The following KDM4A variants were observed in gnomAD, a reference collection of about 807,000 sequenced individuals.
KDM4A encodes lysine demethylase 4A.
In KDM4A, 23 loss-of-function variants were observed where a neutral mutation model predicts 127.1. The ratio of observed to expected loss-of-function variants is 0.18; its 90% CI spans 0.13 to 0.26. KDM4A has a LOEUF of 0.26. KDM4A is among the 10% of genes least tolerant of loss of function. The probability of loss-of-function intolerance (pLI) is 1.00; values close to 1 mark genes in which losing one functional copy is unlikely to be tolerated. For synonymous variants in KDM4A, 443 were observed against 466.5 expected (o/e 0.95, Z 0.65); for missense variants, 890 against 1,329.1 (o/e 0.67, Z 5.14).
Position 43,685,746 on chromosome 1 carries a change from C to T in KDM4A, c.1855+1942C>T, listed in dbSNP as rs572231793. 6.4e-4 allele frequency among the ~76,000 whole-genome samples: 95 copies of T among 149,136 alleles called. 1 individual carries two copies. Among genetic ancestry groups the T allele is most frequent in the Middle Eastern group, 3.4e-3 (1 of 292 alleles). On this transcript the variant is annotated intron_variant, in intron 12 of 21. Coordinates refer to ENST00000372396, the MANE Select transcript of KDM4A (RefSeq NM_014663.3). Reference sequence around the variant, plus strand: ...CCATGCCACTGCACTCCAGCCTGGGCGACAGCGAGTCTCTGTCTCAACAAC... The same window carrying T: ...CCATGCCACTGCACTCCAGCCTGGGTGACAGCGAGTCTCTGTCTCAACAAC...
At chr1:43,685,906 A>C (rs1262381725) in intron 12 of KDM4A, among the ~76,000 whole-genome samples, 2 of 152,194 alleles carry the variant, frequency 1.3e-5, no homozygotes, top group African/African-American at 4.8e-5. Flanking sequence ...CAGGAGCTTC[A>C]GGTTCTCTGG....
rs528883748 is a variant in KDM4A at position 43,656,886 on chromosome 1, C to T, written c.314+1120C>T. Among the ~76,000 whole-genome samples, 229 of 151,996 alleles carry T rather than the reference C, an allele frequency of 1.5e-3. 2 individuals carry two copies. Among genetic ancestry groups the T allele is most frequent in the African/African-American group, 5.2e-3 (216 of 41,468 alleles). Reference sequence around the variant, plus strand: ...GATTACATACAGGCGCCTGCCACCACGCCTGGCTAATTTTTGTATTTTTAG... The same window carrying T: ...GATTACATACAGGCGCCTGCCACCATGCCTGGCTAATTTTTGTATTTTTAG... On this transcript the variant is annotated intron_variant, in intron 3 of 21. Coordinates refer to ENST00000372396, the MANE Select transcript of KDM4A (RefSeq NM_014663.3).
chr1:43,664,997 G>C (rs963572792), intron 5 of KDM4A, among the ~76,000 whole-genome samples: 46 of 152,012 alleles, frequency 3.0e-4, no homozygotes, highest in Admixed American at 6.5e-5. Context: ...ATAATCTTCA[G>C]AAGAGATTAA....
chr1:43,670,378 G>A (rs893133778), intron 10 of KDM4A, among the ~76,000 whole-genome samples: 3 of 151,850 alleles, frequency 2.0e-5, no homozygotes, highest in Non-Finnish European at 4.4e-5. Context: ...AGATAAAATC[G>A]TGCATATTTG....
chr1:43,662,385 G>A (rs1449724977), intron 4 of KDM4A, among the ~76,000 whole-genome samples: 1 of 152,114 alleles, frequency 6.6e-6, no homozygotes, highest in African/African-American at 2.4e-5. Context: ...CAAGGCGGGT[G>A]GATCACAAGG....
At chr1:43,656,722 C>G (rs4660256) in intron 3 of KDM4A, among the ~76,000 whole-genome samples, 1,834 of 150,968 alleles carry the variant, frequency 0.012, 29 homozygotes, top group Admixed American at 0.03. Flanking sequence ...TCAGCTCTGA[C>G]TACTCCATCT....
At chr1:43,671,384 C>T (rs1302122148) in intron 10 of KDM4A, 121 bp from the exon 11 acceptor site, 3 of 1,083,284 alleles carry the variant, frequency 2.8e-6, no homozygotes, top group Non-Finnish European at 3.9e-6. Context: ...AGTGACAGAG[C>T]CAGGATTGGA....
rs199856257 is a variant in KDM4A, at chr1:43,655,761, C to T, written c.309C>T (p.Ser103=). Residue 103 remains serine (S), a synonymous_variant, in exon 3 of 22, where the codon AGC becomes AGT. Coordinates refer to ENST00000372396, the MANE Select transcript of KDM4A (RefSeq NM_014663.3). ...GAGAGTTCCGCAAGATAGCCAATAG[C>T]GATAAGTGAGTGGAAACCCTTTCTT... The part of the protein sequence containing the change: ...TVREFRKIAN[S]DKYCTPRYSE... The T allele has an allele frequency of 2.0e-4, 326 of 1,607,158 alleles. 1 individual carries two copies. The East Asian group carries it at 5.9e-3, about 29-fold the overall frequency.
chr1:43,667,113 C>G, intron 8 of KDM4A, 22 bp downstream of exon 8: 1 of 1,613,080 alleles, frequency 6.2e-7, no homozygotes, highest in South Asian at 1.1e-5. Context: ...TGATTTCTTT[C>G]TATAACACCA....
chr1:43,652,171 G>A (rs945852719), intron 1 of KDM4A, among the ~76,000 whole-genome samples: 1 of 151,892 alleles, frequency 6.6e-6, no homozygotes, highest in Non-Finnish European at 1.5e-5. Context: ...CAAGGCGTAA[G>A]CCACCGCACC....
Position 43,663,042 on chromosome 1 carries a change from A to G in KDM4A, c.578A>G (p.Asp193Gly). 2 of 1,614,090 alleles carry G rather than the reference A, an allele frequency of 1.2e-6. No homozygotes were observed. Among genetic ancestry groups the G allele is most frequent in the East Asian group, 2.2e-5 (1 of 44,874 alleles). The change falls in exon 5 of 22, where the codon GAC (aspartate) becomes GGC (glycine). Residue 193 changes from aspartate to glycine, a missense_variant. Transcript: ENST00000372396. ...TTTGCTTGGCACACTGAAGACATGG[A>G]CCTCTACAGCATCAACTACCTGCAC... ...TSFAWHTEDM[D>G]LYSINYLHFG...
intron 12 of KDM4A, among the ~76,000 whole-genome samples, chr1:43,687,432 A>G (rs761561249): frequency 6.6e-6 from 1 of 152,174 alleles, no homozygotes; most frequent in East Asian, 1.9e-4. Context: ...CTGGGGACTG[A>G]TGATGCCATT....
intron 18 of KDM4A, among the ~76,000 whole-genome samples, chr1:43,695,182 T>C (rs1661214147): frequency 6.6e-6 from 1 of 152,234 alleles, no homozygotes; most frequent in Non-Finnish European, 1.5e-5. Flanking sequence ...CTTATTAATG[T>C]GGTCATCCTT....
intron 9 of KDM4A, 86 bp from the exon 10 acceptor site, chr1:43,669,014 T>G: frequency 1.1e-5 from 15 of 1,376,320 alleles, no homozygotes; most frequent in Non-Finnish European, 1.5e-5. Context: ...GCCATTCACT[T>G]TGGGTTGTGT....
At chr1:43,672,490 T>TCAACTGGGGTAGGCA in intron 11 of KDM4A, among the ~76,000 whole-genome samples, 2 of 151,016 alleles carry the variant, frequency 1.3e-5, no homozygotes, top group Admixed American at 6.6e-5. Context: ...GCTGGCCTTT[T>TCAACTGGGGTAGGCA]GTTTTTTTTT....
chr1:43,674,800 C>T (rs1348150508), intron 11 of KDM4A, among the ~76,000 whole-genome samples: 2 of 152,214 alleles, frequency 1.3e-5, no homozygotes, highest in Admixed American at 6.5e-5. Context: ...TGAGCCATCG[C>T]GCCTGGCCTA....
At chr1:43,678,375 A>G (rs1660786114) in intron 11 of KDM4A, among the ~76,000 whole-genome samples, 1 of 152,072 alleles carries the variant, frequency 6.6e-6, no homozygotes, top group Non-Finnish European at 1.5e-5. Context: ...GTGAGGGAGC[A>G]GCCAGAGGTC....
At chr1:43,682,322 C>T (rs1660877182) in intron 11 of KDM4A, among the ~76,000 whole-genome samples, 1 of 152,170 alleles carries the variant, frequency 6.6e-6, no homozygotes. Flanking sequence ...GAAGATGGGG[C>T]CTCTAGCCCT....
At chr1:43,665,426 AT>A (rs751323917) in intron 5 of KDM4A, among the ~76,000 whole-genome samples, 56 of 152,060 alleles carry the variant, frequency 3.7e-4, no homozygotes, top group Non-Finnish European at 7.5e-4. Flanking sequence ...GAGTAATATT[AT>A]GTACCGTAAA....
Sources: allele counts gnomAD v4.1 joint callset (sites outside exome capture counted in the v4.1 genomes callset), GRCh38; gene constraint gnomAD v4.1.1; transcripts MANE v1.5; gene names NCBI Gene and HGNC (gene_info 2026-07-23, HGNC 2026-07-21).